Variants in EPB41L4A observed in about 807,000 individuals in gnomAD.
The protein encoded by EPB41L4A is erythrocyte membrane protein band 4.1 like 4A.
Under a neutral mutation model 108.6 loss-of-function variants are expected in EPB41L4A, and 100 were observed. The observed-to-expected ratio is 0.92, with a 90% CI of 0.78 to 1.09. EPB41L4A has a LOEUF of 1.09. Among genes scored for constraint, EPB41L4A ranks in the 50% least tolerant of loss-of-function variants. The pLI is 0.00. For synonymous variants in EPB41L4A, 319 were observed against 289.0 expected (o/e 1.10, Z -1.05); for missense variants, 1,030 against 842.7 (o/e 1.22, Z -2.75).
intron 1 of EPB41L4A, among the ~76,000 whole-genome samples, chr5:112,319,618 C>T (rs1036419098): frequency 1.2e-4 from 19 of 152,188 alleles, no homozygotes; most frequent in Non-Finnish European, 7.3e-5. Flanking sequence ...AAGCATCAGA[C>T]AAGCCGAAAT....
intron 1 of EPB41L4A, among the ~76,000 whole-genome samples, chr5:112,344,950 C>G (rs1285704371): frequency 6.6e-6 from 1 of 152,208 alleles, no homozygotes; most frequent in Non-Finnish European, 1.5e-5. Flanking sequence ...AATATCTTAA[C>G]ATAGTGCCTG....
intron 1 of EPB41L4A, among the ~76,000 whole-genome samples, chr5:112,362,728 A>G (rs1439740430): frequency 6.6e-6 from 1 of 152,192 alleles, no homozygotes; most frequent in African/African-American, 2.4e-5. Flanking sequence ...GAAGTTCTCT[A>G]AAGTAATCAT....
Position 112,163,258 on chromosome 5 carries a change from G to C in EPB41L4A, c.*1732C>G, listed in dbSNP as rs1359790919. ...GGTGTCCATAACTGCTAGGTGTCCA[G>C]CTTGCACACTGATGAGCATAATGAC... is the stretch of plus-strand genomic sequence containing the variant. On this transcript the variant is annotated 3_prime_UTR_variant, in exon 23 of 23. Transcript: ENST00000261486. 6.6e-6 allele frequency: 1 copy of C among 152,060 alleles called. No homozygotes were observed. Among genetic ancestry groups the C allele is most frequent in the Non-Finnish European group, 1.5e-5 (1 of 68,042 alleles). 9.4% of individuals were successfully genotyped at this position (152,060 alleles called of 1,614,324 possible).
chr5:112,307,264 T>G, intron 2 of EPB41L4A, 122 bp downstream of exon 2: 9 of 625,892 alleles, frequency 1.4e-5, no homozygotes, highest in East Asian at 2.8e-5. Flanking sequence ...AAAACATGTT[T>G]GAGATTTTCA....
chr5:112,170,182 G>T (rs1279633667), intron 20 of EPB41L4A, 119 bp downstream of exon 20: 5 of 973,600 alleles, frequency 5.1e-6, no homozygotes, highest in Non-Finnish European at 6.2e-6. Context: ...CTGTCACCTA[G>T]TTTTGTTTAA....
rs534947392 is a variant in EPB41L4A at position 112,236,686 on chromosome 5, T to C, written c.966-1931A>G. 2.8e-4 allele frequency among the ~76,000 whole-genome samples: 42 copies of C among 152,274 alleles called. No homozygotes were observed. The South Asian group carries it at 6.7e-3, about 24-fold the overall frequency. On this transcript the variant is annotated intron_variant, in intron 11 of 22. Coordinates refer to ENST00000261486, the MANE Select transcript of EPB41L4A (RefSeq NM_022140.5). Reference sequence around the variant, plus strand: ...CTGCCTCTGGCATAAATACAGCCCTTTGCATGCTGAGTGGCACTGCCAGCA... The same window carrying C: ...CTGCCTCTGGCATAAATACAGCCCTCTGCATGCTGAGTGGCACTGCCAGCA...
chr5:112,373,159 G>A (rs1250302265), intron 1 of EPB41L4A, among the ~76,000 whole-genome samples: 1 of 152,214 alleles, frequency 6.6e-6, no homozygotes, highest in African/African-American at 2.4e-5. Flanking sequence ...GAAGGCAAGT[G>A]AGGATGCTCC....
chr5:112,155,884 T>A (rs7720344), intron 12 of EPB41L4A, among the ~76,000 whole-genome samples: 42,768 of 152,042 alleles, frequency 0.28, 7,644 homozygotes, highest in African/African-American at 0.51. Flanking sequence ...CTGTTTTTGA[T>A]CAGAACGTCT....
At chr5:112,363,864 C>G (rs1288376845) in intron 1 of EPB41L4A, among the ~76,000 whole-genome samples, 1 of 152,126 alleles carries the variant, frequency 6.6e-6, no homozygotes, top group East Asian at 1.9e-4. Flanking sequence ...CACTTAAACA[C>G]TGAAACCATT....
At chr5:112,198,984 G>C (rs943348237) in intron 15 of EPB41L4A, among the ~76,000 whole-genome samples, 24 of 152,058 alleles carry the variant, frequency 1.6e-4, no homozygotes, top group African/African-American at 5.6e-4. Flanking sequence ...TCAAATGCAG[G>C]CGTTCATGGC....
Position 112,164,876 on chromosome 5 carries a change from G to A in EPB41L4A, c.*114C>T, listed in dbSNP as rs1760136387. 6 of 1,069,096 alleles carry A rather than the reference G, an allele frequency of 5.6e-6. No individual in the cohort carries two copies. In the South Asian group the frequency reaches 1.3e-4, roughly 23 times the overall value. 66.2% of individuals were successfully genotyped at this position (1,069,096 alleles called of 1,614,324 possible). ...AGCAAAAGATAATGTATTTTCTCAT[G>A]CTGAAGAAATACTTGCAGGTCTGAG... On this transcript the variant is annotated 3_prime_UTR_variant, in exon 23 of 23. Coordinates refer to ENST00000261486, the MANE Select transcript of EPB41L4A (RefSeq NM_022140.5).
intron 12 of EPB41L4A, among the ~76,000 whole-genome samples, chr5:112,147,230 G>C (rs1361456387): frequency 2.6e-5 from 4 of 152,168 alleles, no homozygotes; most frequent in Admixed American, 2.6e-4. Flanking sequence ...CTTCAAGTAC[G>C]ATCTATAAAA....
At chr5:112,196,240 G>GT (rs1409738136) in intron 15 of EPB41L4A, among the ~76,000 whole-genome samples, 7 of 152,126 alleles carry the variant, frequency 4.6e-5, no homozygotes, top group Middle Eastern at 3.2e-3. Flanking sequence ...GGGCATCCTG[G>GT]TTAAAGGTGC....
chr5:112,296,595 T>C (rs940123121), intron 2 of EPB41L4A, among the ~76,000 whole-genome samples: 1 of 152,204 alleles, frequency 6.6e-6, no homozygotes, highest in Non-Finnish European at 1.5e-5. Flanking sequence ...TAAATACTTA[T>C]ATTTTATGTT....
At chr5:112,182,964 A>G (rs1044673274) in intron 18 of EPB41L4A, among the ~76,000 whole-genome samples, 2 of 152,228 alleles carry the variant, frequency 1.3e-5, no homozygotes, top group East Asian at 1.9e-4. Flanking sequence ...GTTTTCTATT[A>G]CAAAAGAAAG....
intron 12 of EPB41L4A, among the ~76,000 whole-genome samples, chr5:112,152,557 T>C (rs1483898737): frequency 6.6e-6 from 1 of 152,198 alleles, no homozygotes; most frequent in Non-Finnish European, 1.5e-5. Context: ...AGGTGCCATC[T>C]GTGAGGAATG....
Position 112,412,481 on chromosome 5 carries a change from G to C in EPB41L4A, c.99+6460C>G, listed in dbSNP as rs149815736. Among the ~76,000 whole-genome samples the C allele has an allele frequency of 4.8e-3, 726 of 152,294 alleles. 7 individuals are homozygous for C. The highest frequency in any genetic ancestry group is 0.022 in the South Asian group (107 of 4,826). On this transcript the variant is annotated intron_variant, in intron 1 of 22. Coordinates refer to ENST00000261486, the MANE Select transcript of EPB41L4A (RefSeq NM_022140.5). ...ATACATGCATGGCTCAGAGGACACA[G>C]GAATGCAATCACATTTTTTACAATG...
intron 1 of EPB41L4A, among the ~76,000 whole-genome samples, chr5:112,376,244 A>C (rs1257878997): frequency 6.6e-6 from 1 of 152,236 alleles, no homozygotes; most frequent in African/African-American, 2.4e-5. Flanking sequence ...TTCACCAAAG[A>C]GGATACAGAT....
At chr5:112,195,120 G>A (rs1276228109) in intron 16 of EPB41L4A, among the ~76,000 whole-genome samples, 1 of 152,100 alleles carries the variant, frequency 6.6e-6, no homozygotes. Context: ...TCCAGGACTA[G>A]CCCCTTAACC....
Sources: allele counts gnomAD v4.1 joint callset (sites outside exome capture counted in the v4.1 genomes callset), GRCh38; gene constraint gnomAD v4.1.1; transcripts MANE v1.5; gene names NCBI Gene and HGNC (gene_info 2026-07-23, HGNC 2026-07-21).